MBP: variants seen among roughly 807,000 people sequenced by gnomAD.
MBP encodes the protein Golli-MBP.
MBP carries 16 observed loss-of-function variants against 35.8 expected under a neutral mutation model. The observed-to-expected ratio is 0.45, with a 90% CI of 0.30 to 0.68. The LOEUF is 0.68. MBP is among the 30% of genes least tolerant of loss of function. The probability of loss-of-function intolerance (pLI) is 0.08; values close to 1 mark genes in which losing one functional copy is unlikely to be tolerated. For synonymous variants in MBP, 143 were observed against 159.6 expected, an observed-to-expected ratio of 0.90 and a Z score of 0.78; for missense variants, 380 against 404.7, an observed-to-expected ratio of 0.94 and a Z score of 0.52.
intron 4 of MBP, chr18:77,015,850 A>G: frequency 2.0e-6 from 2 of 984,706 alleles, no homozygotes; most frequent in Non-Finnish European, 2.4e-6. Flanking sequence ...CACTTTATTC[A>G]AAAGCCTTTT....
At chr18:77,048,262 G>T (rs73968266) in intron 3 of MBP, among the ~76,000 whole-genome samples, 1 of 152,176 alleles carries the variant, frequency 6.6e-6, no homozygotes, top group Non-Finnish European at 1.5e-5. Context: ...CCCTAGCAGC[G>T]TTCTGAGGAC....
chr18:77,015,594 G>T (rs1031337288), intron 4 of MBP: 33 of 985,400 alleles, frequency 3.3e-5, no homozygotes, highest in Middle Eastern at 5.2e-4. Context: ...AATAAGTCAC[G>T]GCAAGTGTCA....
At chr18:77,067,892 A>T in intron 2 of MBP, 1 of 494,976 alleles carries the variant, frequency 2.0e-6, no homozygotes, top group Admixed American at 2.1e-5. Context: ...ACCTAGTGTG[A>T]CTCACTTATG....
intron 3 of MBP, among the ~76,000 whole-genome samples, chr18:77,034,612 A>T (rs761861254): frequency 6.6e-6 from 1 of 152,246 alleles, no homozygotes; most frequent in Non-Finnish European, 1.5e-5. Context: ...TCTGGGAGCC[A>T]GGGCTGCAGG....
At chr18:76,992,311 T>G (rs780398573) in intron 4 of MBP, among the ~76,000 whole-genome samples, 11 of 152,162 alleles carry the variant, frequency 7.2e-5, no homozygotes, top group Non-Finnish European at 1.5e-4. Context: ...CCCTCGAACA[T>G]GCCATTCCCA....
intron 2 of MBP, among the ~76,000 whole-genome samples, chr18:77,084,428 ACAC>A (rs200589754): frequency 0.14 from 6,560 of 45,890 alleles, 409 homozygotes; most frequent in East Asian, 0.24. Flanking sequence ...CCGCCACACC[ACAC>A]CACACACACA....
At chr18:76,980,898 CCCTT>C in intron 8 of MBP, 1 of 183,674 alleles carries the variant, frequency 5.4e-6, no homozygotes, top group Non-Finnish European at 1.2e-5. Context: ...CCTAGCACAC[CCCTT>C]GCTACACGCG....
At chr18:77,090,907 C>T (rs766087897) in intron 2 of MBP, among the ~76,000 whole-genome samples, 3 of 152,142 alleles carry the variant, frequency 2.0e-5, no homozygotes, top group African/African-American at 2.4e-5. Context: ...CAGGGCCGGA[C>T]GGGGCAGAAG....
At position 77,131,239 on chromosome 18, in the gene MBP, G is replaced by A. The variant is rs1977260509; in HGVS notation, c.-26+1341C>T. On this transcript the variant is annotated intron_variant, in intron 1 of 8. Coordinates refer to ENST00000355994, the MANE Select transcript of MBP (RefSeq NM_001025101.2). The surrounding 1 kb of genome is among the most constrained non-coding windows in gnomAD (Gnocchi z 5.5). ...CGCTAAGGAGGTGCTCATCACTGGAGGTGGCCGCCAGGGAGCTCAGTGCGG... is the reference window on the plus strand; with the variant it reads ...CGCTAAGGAGGTGCTCATCACTGGAAGTGGCCGCCAGGGAGCTCAGTGCGG... Among the ~76,000 whole-genome samples, 2 of 152,110 alleles carry A rather than the reference G, an allele frequency of 1.3e-5. No homozygotes were observed. The highest frequency in any genetic ancestry group is 4.8e-5 in the African/African-American group (2 of 41,418).
At chr18:77,043,324 T>C (rs890726672) in intron 3 of MBP, among the ~76,000 whole-genome samples, 1 of 152,216 alleles carries the variant, frequency 6.6e-6, no homozygotes, top group Non-Finnish European at 1.5e-5. Flanking sequence ...CATCTCCATG[T>C]CATGAAAATA....
intron 4 of MBP, among the ~76,000 whole-genome samples, chr18:76,996,285 G>T (rs1970265561): frequency 6.6e-6 from 1 of 152,098 alleles, no homozygotes; most frequent in Non-Finnish European, 1.5e-5. Context: ...TCCATTTCCT[G>T]CTTTAAATAC....
chr18:76,989,950 A>T lies in MBP; in HGVS notation c.681+6T>A. ...TTGCTACCTCTTCCCATCGATCGTC[A>T]CTTACAATGTTCTTGAAGAAGTGGA... On this transcript the variant is annotated splice_donor_region_variant and intron_variant, in intron 5 of 8. Coordinates refer to ENST00000355994, the MANE Select transcript of MBP (RefSeq NM_001025101.2). This position sits in a 1 kb window ranked among gnomAD's most constrained non-coding sequence, Gnocchi z 4.0. The T allele has an allele frequency of 6.2e-7, 1 of 1,608,310 alleles. No homozygotes were observed. The highest frequency in any genetic ancestry group is 1.1e-5 in the South Asian group (1 of 90,878).
At chr18:77,073,858 A>T (rs1974546761) in intron 2 of MBP, among the ~76,000 whole-genome samples, 1 of 152,222 alleles carries the variant, frequency 6.6e-6, no homozygotes, top group Non-Finnish European at 1.5e-5. Context: ...GTTCACAGCC[A>T]AACCCAACTT....
chr18:77,047,546 C>A (rs78195166), intron 3 of MBP, among the ~76,000 whole-genome samples: 1 of 152,224 alleles, frequency 6.6e-6, no homozygotes, highest in East Asian at 1.9e-4. Flanking sequence ...TGAAAATGTT[C>A]TAAGGTTAGT....
At chr18:77,007,495 G>T (rs1408811584) in intron 4 of MBP, among the ~76,000 whole-genome samples, 2 of 152,198 alleles carry the variant, frequency 1.3e-5, no homozygotes, top group African/African-American at 4.8e-5. Context: ...AGAAGTTGAG[G>T]CCTCTAGCAC....
At chr18:77,034,383 G>A (rs186959488) in intron 3 of MBP, among the ~76,000 whole-genome samples, 65 of 152,226 alleles carry the variant, frequency 4.3e-4, no homozygotes, top group African/African-American at 1.3e-3. Flanking sequence ...GAGCCTGGCC[G>A]CTGACTCCTT....
intron 4 of MBP, among the ~76,000 whole-genome samples, chr18:77,012,198 A>G (rs748389539): frequency 3.3e-5 from 5 of 152,224 alleles, no homozygotes; most frequent in South Asian, 4.1e-4. Context: ...TACACTCATT[A>G]TCATCTTTCA....
intron 3 of MBP, among the ~76,000 whole-genome samples, chr18:77,047,091 T>C (rs145267656): frequency 6.6e-6 from 1 of 152,288 alleles, no homozygotes; most frequent in East Asian, 1.9e-4. Flanking sequence ...TGAACAAACC[T>C]TGGAGCCGAA....
intron 3 of MBP, among the ~76,000 whole-genome samples, chr18:77,019,056 CCATCCAT>C (rs1265405475): frequency 1.3e-5 from 2 of 151,446 alleles, no homozygotes; most frequent in Admixed American, 6.6e-5. Context: ...ATCCATCCAT[CCATCCAT>C]CCATCCATCC....
Sources: allele counts gnomAD v4.1 joint callset (sites outside exome capture counted in the v4.1 genomes callset), GRCh38; gene constraint gnomAD v4.1.1; non-coding constraint Gnocchi (gnomAD v3.1); transcripts MANE v1.5; gene names NCBI Gene and HGNC (gene_info 2026-07-23, HGNC 2026-07-21).